Variants in OSBPL10 observed in about 807,000 individuals in gnomAD.
The protein encoded by OSBPL10 is oxysterol binding protein like 10.
A neutral mutation model predicts 81.7 loss-of-function variants in OSBPL10; 49 were observed. The ratio of observed to expected loss-of-function variants is 0.60; its 90% CI spans 0.48 to 0.76. OSBPL10 has a LOEUF of 0.76. Ranked by LOEUF, OSBPL10 falls within the 30% of genes least tolerant of loss-of-function variation. The pLI is 0.00. For missense variants in OSBPL10, 923 were observed against 987.8 expected (o/e 0.93, Z 0.88); for synonymous variants, 419 against 383.6 (o/e 1.09, Z -1.08).
In OSBPL10 at chr3:31,664,229, G is replaced by T. The variant is rs769221583; in HGVS notation, c.2100C>A (p.Asn700Lys). 1.9e-6 allele frequency: 3 copies of T among 1,612,236 alleles called. No homozygotes were observed. The South Asian group carries it at 3.3e-5, about 18-fold the overall frequency. ...LEKQGPMESR[N>K]LWREVTRYLR... is the part of the protein sequence containing the mutation. ...GGTATCGGGTCACCTCCCGCCAGAG[G>T]TTCCTGGGGATGCGTGGAGGAGAGG... Residue 700 changes from asparagine (N) to lysine (K), a missense_variant, in exon 11 of 12, where the codon AAC becomes AAA. Physicochemically the swap from Asn to Lys is moderately conservative, Grantham distance 94 (BLOSUM62 0). Transcript: ENST00000396556.
chr3:31,728,375 T>C (rs545300824), intron 6 of OSBPL10, among the ~76,000 whole-genome samples: 4 of 152,212 alleles, frequency 2.6e-5, no homozygotes. Context: ...GTGGGACTGA[T>C]AGTCCTGATT....
Position 31,780,501 on chromosome 3 carries a change from T to A in OSBPL10, c.730-32381A>T, listed in dbSNP as rs547236081. On this transcript the variant is annotated intron_variant, in intron 4 of 11. Transcript: ENST00000396556. ...AACTAAATGAAATTGAAAAAAAAAA[T>A]ACAAAAAATAAACAAAAAGCTAGTT... Among the ~76,000 whole-genome samples, 279 of 137,352 alleles carry A rather than the reference T, an allele frequency of 2.0e-3. 1 individual carries two copies. Among genetic ancestry groups the A allele is most frequent in the African/African-American group, 7.0e-3 (259 of 36,912 alleles). 90.1% of individuals were successfully genotyped at this position (137,352 alleles called of 152,430 possible).
At chr3:31,681,759 A>T (rs903304747) in intron 8 of OSBPL10, among the ~76,000 whole-genome samples, 1 of 152,142 alleles carries the variant, frequency 6.6e-6, no homozygotes, top group Non-Finnish European at 1.5e-5. Context: ...ATGCTGCTTA[A>T]TGCTTCAGAA....
intron 1 of OSBPL10, among the ~76,000 whole-genome samples, chr3:31,949,667 CAAAAAAAAAAA>C (rs56002214): frequency 4.6e-4 from 12 of 26,256 alleles, no homozygotes; most frequent in South Asian, 2.4e-3. Context: ...GACTCTGTCT[CAAAAAAAAAAA>C]AAAAAAAAAA....
chr3:31,869,282 C>T (rs1487199772), intron 3 of OSBPL10, among the ~76,000 whole-genome samples: 4 of 152,182 alleles, frequency 2.6e-5, no homozygotes, highest in Non-Finnish European at 5.9e-5. Flanking sequence ...GGGATTTAAA[C>T]AGGTCTTCTC....
chr3:32,060,028 T>C (rs138147903), intron 1 of OSBPL10, among the ~76,000 whole-genome samples: 66 of 152,228 alleles, frequency 4.3e-4, no homozygotes, highest in African/African-American at 1.5e-3. Flanking sequence ...TGTTCTGTGA[T>C]CTGGTTGGTG....
intron 1 of OSBPL10, among the ~76,000 whole-genome samples, chr3:31,928,701 A>T (rs1331655258): frequency 6.0e-5 from 9 of 149,196 alleles, no homozygotes; most frequent in Non-Finnish European, 1.3e-4. Flanking sequence ...AATCATTTGA[A>T]CCTGGGAGAC....
chr3:31,739,406 T>C (rs945718830), intron 5 of OSBPL10, among the ~76,000 whole-genome samples: 12 of 152,320 alleles, frequency 7.9e-5, no homozygotes, highest in Middle Eastern at 3.4e-3. Flanking sequence ...CTGCTACAGA[T>C]TGAATGTCTA....
intron 3 of OSBPL10, among the ~76,000 whole-genome samples, chr3:31,854,062 G>T (rs575035758): frequency 1.3e-5 from 2 of 151,590 alleles, no homozygotes; most frequent in Non-Finnish European, 2.9e-5. Context: ...GCATAACAAT[G>T]TTCATCTATC....
chr3:31,797,191 A>T (rs1281406102), intron 4 of OSBPL10, among the ~76,000 whole-genome samples: 1 of 151,664 alleles, frequency 6.6e-6, no homozygotes, highest in East Asian at 1.9e-4. Context: ...GACGGGTTTT[A>T]CCATGTTGGG....
intron 4 of OSBPL10, among the ~76,000 whole-genome samples, chr3:31,817,716 G>A (rs1300060270): frequency 6.6e-6 from 1 of 152,202 alleles, no homozygotes; most frequent in East Asian, 1.9e-4. Context: ...GGTCTGGACT[G>A]CGGTTTGGGT....
chr3:31,860,285 A>C (rs1045143097), intron 3 of OSBPL10, among the ~76,000 whole-genome samples: 3 of 152,234 alleles, frequency 2.0e-5, no homozygotes, highest in East Asian at 1.9e-4. Context: ...CTACATGAAG[A>C]AGCACATCCA....
intron 6 of OSBPL10, among the ~76,000 whole-genome samples, chr3:31,724,241 A>G (rs1038747109): frequency 6.6e-6 from 1 of 152,314 alleles, no homozygotes; most frequent in Non-Finnish European, 1.5e-5. Flanking sequence ...TTCTTTGAGT[A>G]CTGCTGCAGG....
chr3:31,920,825 CTCTCTTGT>C (rs1696891468), intron 1 of OSBPL10, among the ~76,000 whole-genome samples: 1 of 152,152 alleles, frequency 6.6e-6, no homozygotes, highest in South Asian at 2.1e-4. Flanking sequence ...AGCCTGGCTT[CTCTCTTGT>C]TCCCTCTCTC....
intron 1 of OSBPL10, among the ~76,000 whole-genome samples, chr3:31,917,286 A>G (rs1696784816): frequency 6.6e-6 from 1 of 152,218 alleles, no homozygotes; most frequent in African/African-American, 2.4e-5. Context: ...ACCAAATGAG[A>G]AAGTAATTCA....
chr3:31,805,064 A>C (rs1699488659), intron 4 of OSBPL10, among the ~76,000 whole-genome samples: 1 of 152,194 alleles, frequency 6.6e-6, no homozygotes, highest in Non-Finnish European at 1.5e-5. Flanking sequence ...TCAGGGTCTG[A>C]TGTATCTGAG....
intron 1 of OSBPL10, among the ~76,000 whole-genome samples, chr3:31,920,826 T>C (rs946507082): frequency 2.0e-5 from 3 of 152,176 alleles, no homozygotes; most frequent in Admixed American, 1.3e-4. Context: ...GCCTGGCTTC[T>C]CTCTTGTTCC....
intron 7 of OSBPL10, among the ~76,000 whole-genome samples, chr3:31,693,125 A>G: frequency 6.6e-6 from 1 of 152,170 alleles, no homozygotes. Flanking sequence ...GAACAGCTGG[A>G]GGGATCTGGC....
intron 1 of OSBPL10, 142 bp downstream of exon 1, chr3:31,980,757 G>T: frequency 9.0e-7 from 1 of 1,115,030 alleles, no homozygotes; most frequent in Middle Eastern, 3.2e-4. Flanking sequence ...CGCAGGAAGG[G>T]CACCGTTGGG....
Sources: allele counts gnomAD v4.1 joint callset (sites outside exome capture counted in the v4.1 genomes callset), GRCh38; gene constraint gnomAD v4.1.1; transcripts MANE v1.5; gene names NCBI Gene and HGNC (gene_info 2026-07-23, HGNC 2026-07-21).